The following LRP1B variants were observed in gnomAD, a reference collection of about 807,000 sequenced individuals.
LRP1B encodes the protein low-density lipoprotein receptor-related protein 1B.
LRP1B carries 217 observed loss-of-function variants against 556.6 expected under a neutral mutation model. That is an observed-to-expected ratio of 0.39 (90% confidence interval 0.35 to 0.44). The LOEUF is 0.44. LRP1B is among the 20% of genes least tolerant of loss of function. The pLI is 1.00. For synonymous variants in LRP1B, 2,047 were observed against 1,865.8 expected, an observed-to-expected ratio of 1.10 and a Z score of -2.50; for missense variants, 5,053 against 5,620.8, an observed-to-expected ratio of 0.90 and a Z score of 3.23.
intron 1 of LRP1B, among the ~76,000 whole-genome samples, chr2:142,089,197 C>A (rs977659528): frequency 1.4e-5 from 2 of 138,952 alleles, no homozygotes; most frequent in Admixed American, 1.5e-4. Context: ...GATAGTTATT[C>A]AATCAATATT....
intron 11 of LRP1B, among the ~76,000 whole-genome samples, chr2:141,041,619 T>C (rs1036791007): frequency 7.9e-5 from 12 of 152,096 alleles, no homozygotes; most frequent in African/African-American, 2.9e-4. Flanking sequence ...CCTCAACACA[T>C]GCATAGTTAC....
intron 3 of LRP1B, among the ~76,000 whole-genome samples, chr2:141,365,655 C>CTTTTTTTTTTTTTTGG (rs1553503422): frequency 0.011 from 1,350 of 121,098 alleles, 26 homozygotes; most frequent in Middle Eastern, 0.032. Flanking sequence ...GTTTTTGTTG[C>CTTTTTTTTTTTTTTGG]TTTTTTTTTT....
At chr2:140,484,220 T>C (rs530852715) in intron 59 of LRP1B, among the ~76,000 whole-genome samples, 1 of 152,254 alleles carries the variant, frequency 6.6e-6, no homozygotes, top group East Asian at 1.9e-4. Context: ...AAAACAAAAA[T>C]ACGTGCACAG....
intron 2 of LRP1B, among the ~76,000 whole-genome samples, chr2:141,544,963 G>A (rs1192857657): frequency 1.3e-5 from 2 of 152,108 alleles, no homozygotes; most frequent in African/African-American, 4.8e-5. Context: ...AGCATACAGA[G>A]CCAAACCATA....
At chr2:140,731,211 T>C (rs1687764522) in intron 35 of LRP1B, among the ~76,000 whole-genome samples, 1 of 152,214 alleles carries the variant, frequency 6.6e-6, no homozygotes, top group South Asian at 2.1e-4. Flanking sequence ...TGCTTCTCTC[T>C]ATAGTTATAC....
At chr2:141,698,991 ACTCTT>A (rs1691838983) in intron 2 of LRP1B, among the ~76,000 whole-genome samples, 3 of 151,654 alleles carry the variant, frequency 2.0e-5, no homozygotes, top group African/African-American at 7.3e-5. Flanking sequence ...AGAGTTAGCT[ACTCTT>A]ATTTGAAGAC....
chr2:141,172,285 G>T (rs1197637868), intron 7 of LRP1B, among the ~76,000 whole-genome samples: 1 of 152,008 alleles, frequency 6.6e-6, no homozygotes, highest in Non-Finnish European at 1.5e-5. Flanking sequence ...GTCTCAGCTG[G>T]CCTGTGTGTA....
chr2:141,633,491 T>C (rs1688986485), intron 2 of LRP1B, among the ~76,000 whole-genome samples: 1 of 152,106 alleles, frequency 6.6e-6, no homozygotes, highest in African/African-American at 2.4e-5. Context: ...CAGTGTGAAA[T>C]GTTTTCTGAT....
intron 7 of LRP1B, among the ~76,000 whole-genome samples, chr2:141,149,723 G>A (rs1459289255): frequency 6.6e-6 from 1 of 152,154 alleles, no homozygotes; most frequent in Non-Finnish European, 1.5e-5. Context: ...GTTACAACAT[G>A]ATGAGAATTC....
At chr2:141,172,614 AG>A (rs1381868167) in intron 7 of LRP1B, among the ~76,000 whole-genome samples, 1 of 152,092 alleles carries the variant, frequency 6.6e-6, no homozygotes, top group Non-Finnish European at 1.5e-5. Flanking sequence ...CACTATCAAC[AG>A]CTTATTCACT....
intron 2 of LRP1B, among the ~76,000 whole-genome samples, chr2:141,809,989 A>G (rs1331426314): frequency 1.3e-5 from 2 of 151,828 alleles, no homozygotes; most frequent in Non-Finnish European, 2.9e-5. Context: ...TCTTCCTTTC[A>G]TAAGTTAATT....
intron 4 of LRP1B, among the ~76,000 whole-genome samples, chr2:141,248,830 T>C (rs1684161036): frequency 6.6e-6 from 1 of 152,132 alleles, no homozygotes. Context: ...GAAAATTAGA[T>C]ATGTGCTAAT....
chr2:141,120,651 GTTTTAC>G (rs1422552076), intron 7 of LRP1B, among the ~76,000 whole-genome samples: 1 of 151,956 alleles, frequency 6.6e-6, no homozygotes, highest in East Asian at 1.9e-4. Context: ...GTTTCTGGTA[GTTTTAC>G]TTTTAACTTT....
rs149609792 is a variant in LRP1B at position 141,946,548 on chromosome 2, T to C, written c.83-136147A>G. Among the ~76,000 whole-genome samples, 321 of 152,236 alleles carry C rather than the reference T, an allele frequency of 2.1e-3. 1 individual carries two copies. Among genetic ancestry groups the C allele is most frequent in the Middle Eastern group, 0.01 (3 of 294 alleles). ...AACTAATGATCTCTGGTGCCAAAGATACTGACTACAAGTTGGTGAACTGTA... is the reference window on the plus strand; with the variant it reads ...AACTAATGATCTCTGGTGCCAAAGACACTGACTACAAGTTGGTGAACTGTA... On this transcript the variant is annotated intron_variant, in intron 1 of 90. Transcript: ENST00000389484.
intron 3 of LRP1B, among the ~76,000 whole-genome samples, chr2:141,396,888 G>C (rs1690254485): frequency 6.6e-6 from 1 of 151,794 alleles, no homozygotes; most frequent in African/African-American, 2.4e-5. Context: ...TTTGGGAGGT[G>C]GATCAACTGA....
intron 51 of LRP1B, among the ~76,000 whole-genome samples, chr2:140,512,917 T>C (rs191244313): frequency 6.6e-6 from 1 of 152,288 alleles, no homozygotes; most frequent in Admixed American, 6.5e-5. Context: ...GTATTTTCTT[T>C]ATGTGTCTCA....
intron 2 of LRP1B, among the ~76,000 whole-genome samples, chr2:141,705,034 G>A (rs1692087443): frequency 6.6e-6 from 1 of 151,912 alleles, no homozygotes; most frequent in African/African-American, 2.4e-5. Flanking sequence ...AGTTTACCAT[G>A]TACCACGTAC....
At chr2:140,811,498 T>C (rs557940553) in intron 32 of LRP1B, among the ~76,000 whole-genome samples, 15 of 152,296 alleles carry the variant, frequency 9.8e-5, no homozygotes, top group African/African-American at 3.6e-4. Context: ...TTCCTTGAAA[T>C]ATTATTCAAG....
intron 2 of LRP1B, among the ~76,000 whole-genome samples, chr2:141,732,841 G>A (rs897835477): frequency 2.6e-5 from 4 of 152,028 alleles, no homozygotes; most frequent in African/African-American, 9.7e-5. Flanking sequence ...GATTGACTAC[G>A]GAAGTAACTA....
Sources: allele counts gnomAD v4.1 joint callset (sites outside exome capture counted in the v4.1 genomes callset), GRCh38; gene constraint gnomAD v4.1.1; transcripts MANE v1.5; gene names NCBI Gene and HGNC (gene_info 2026-07-23, HGNC 2026-07-21).